USP3: variants seen among roughly 807,000 people sequenced by gnomAD.
USP3 encodes the protein ubiquitin specific peptidase 3.
Under a neutral mutation model 72.3 loss-of-function variants are expected in USP3, and 20 were observed. That is an observed-to-expected ratio of 0.28 (90% confidence interval 0.19 to 0.40). The LOEUF is 0.40. Among genes scored for constraint, USP3 ranks in the 10% least tolerant of loss-of-function variants. The pLI is 1.00. For missense variants in USP3, 479 were observed against 633.9 expected, an observed-to-expected ratio of 0.76 and a Z score of 2.62; for synonymous variants, 222 against 225.3, an observed-to-expected ratio of 0.99 and a Z score of 0.13.
chr15:63,589,225 T>A lies in USP3; in HGVS notation c.1397+214T>A. ...TAAAAGTGAAATGAAGAATGGTTCATTTGAACCCAGTATTTACGACCCAGT... is the reference window on the plus strand; with the variant it reads ...TAAAAGTGAAATGAAGAATGGTTCAATTGAACCCAGTATTTACGACCCAGT... On this transcript the variant is annotated intron_variant, in intron 14 of 14. Transcript: ENST00000380324. 3.5e-6 allele frequency: 2 copies of A among 578,694 alleles called. 1 individual carries two copies. The highest frequency in any genetic ancestry group is 4.4e-5 in the South Asian group (2 of 45,356). The allele number at this position is 578,694 out of a possible 1,614,324, so 35.8% of individuals were successfully genotyped here.
At position 63,570,272 on chromosome 15, in the gene USP3, T is replaced by A. The variant is rs191075592; in HGVS notation, c.762-161T>A. Among the ~76,000 whole-genome samples, 2 of 152,348 alleles carry A rather than the reference T, an allele frequency of 1.3e-5. No individual in the cohort carries two copies. The highest frequency in any genetic ancestry group is 3.9e-4 in the East Asian group (2 of 5,194). Reference sequence around the variant, plus strand: ...AGTAGAATTCATTCTTGAAGAGAAATTCTGTCACCTGTGGAGCTTTCGGGC... The same window carrying A: ...AGTAGAATTCATTCTTGAAGAGAAAATCTGTCACCTGTGGAGCTTTCGGGC... On this transcript the variant is annotated intron_variant, in intron 8 of 14. Coordinates refer to ENST00000380324, the MANE Select transcript of USP3 (RefSeq NM_006537.4). The surrounding 1 kb of genome is among the most constrained non-coding windows in gnomAD (Gnocchi z 4.4).
At chr15:63,578,358 A>T (rs2066899246) in intron 11 of USP3, among the ~76,000 whole-genome samples, 1 of 152,014 alleles carries the variant, frequency 6.6e-6, no homozygotes, top group Admixed American at 6.6e-5. Context: ...TAATCCCAGC[A>T]CTTTGGGAGG....
chr15:63,510,529 G>T (rs1418880814), intron 1 of USP3, among the ~76,000 whole-genome samples: 1 of 152,120 alleles, frequency 6.6e-6, no homozygotes. Context: ...AAGTGGAAAA[G>T]GTATGCTGTT....
intron 7 of USP3, among the ~76,000 whole-genome samples, chr15:63,560,941 C>T (rs138524004): frequency 2.6e-5 from 4 of 152,298 alleles, no homozygotes; most frequent in African/African-American, 9.6e-5. Flanking sequence ...GGTGATCAGA[C>T]ACTTTCCTGC....
At chr15:63,522,675 C>CA (rs145872189) in intron 1 of USP3, among the ~76,000 whole-genome samples, 18,811 of 152,178 alleles carry the variant, frequency 0.12, 1,579 homozygotes, top group South Asian at 0.19. Flanking sequence ...TTTGCTAAAA[C>CA]AAAGTTAGAA....
At chr15:63,510,059 A>G (rs749726929) in intron 1 of USP3, among the ~76,000 whole-genome samples, 1 of 152,218 alleles carries the variant, frequency 6.6e-6, no homozygotes, top group Non-Finnish European at 1.5e-5. Flanking sequence ...CTTGTACACC[A>G]TTAGCCTTAG....
intron 1 of USP3, chr15:63,515,478 A>T (rs762678134): frequency 6.6e-6 from 1 of 152,238 alleles, no homozygotes; most frequent in East Asian, 1.9e-4. Context: ...GCAGGACCAG[A>T]TGCCCCTCTC....
intron 1 of USP3, among the ~76,000 whole-genome samples, chr15:63,512,834 C>A (rs1425513058): frequency 1.3e-5 from 2 of 152,298 alleles, no homozygotes; most frequent in Non-Finnish European, 2.9e-5. Context: ...AAGGCAATTT[C>A]AGATTTTGAA....
chr15:63,527,104 C>A (rs1258331159), intron 1 of USP3, among the ~76,000 whole-genome samples: 1 of 152,068 alleles, frequency 6.6e-6, no homozygotes, highest in African/African-American at 2.4e-5. Context: ...CCTGTGTTGC[C>A]CGGGCTGGTC....
At chr15:63,583,814 T>C (rs1172612211) in intron 11 of USP3, among the ~76,000 whole-genome samples, 1 of 152,234 alleles carries the variant, frequency 6.6e-6, no homozygotes, top group African/African-American at 2.4e-5. Context: ...TACTTCCTTT[T>C]TGAGGCTTAA....
chr15:63,559,804 T>A, intron 6 of USP3, 53 bp from the exon 7 acceptor site: 1 of 1,486,986 alleles, frequency 6.7e-7, no homozygotes, highest in South Asian at 1.3e-5. Flanking sequence ...TCAACTTTCT[T>A]TACAGTCCTA....
chr15:63,526,214 A>G (rs1004339762), intron 1 of USP3, among the ~76,000 whole-genome samples: 1 of 152,206 alleles, frequency 6.6e-6, no homozygotes, highest in African/African-American at 2.4e-5. Context: ...TGTAGTACAT[A>G]CATAGACTCA....
At chr15:63,567,718 T>A (rs1432661173) in intron 8 of USP3, among the ~76,000 whole-genome samples, 1 of 151,606 alleles carries the variant, frequency 6.6e-6, no homozygotes, top group Non-Finnish European at 1.5e-5. Context: ...TGACCTCAGG[T>A]GATCCGTCTG....
In USP3 at chr15:63,529,054, G is replaced by A; in HGVS notation, c.92-3593G>A. 7.8e-7 allele frequency: 1 copy of A among 1,288,950 alleles called. No individual in the cohort carries two copies. The allele number at this position is 1,288,950 out of a possible 1,614,324, so 79.8% of individuals were successfully genotyped here. On this transcript the variant is annotated intron_variant, in intron 1 of 14. Coordinates refer to ENST00000380324, the MANE Select transcript of USP3 (RefSeq NM_006537.4). This position sits in a 1 kb window ranked among gnomAD's most constrained non-coding sequence, Gnocchi z 4.2. ...CTGGTGTGACTGTATTATGCCCTCA[G>A]AGAGTACTGTATGTTGCCCAGGCTG...
chr15:63,530,733 C>G (rs572729017), intron 1 of USP3: 1 of 319,856 alleles, frequency 3.1e-6, no homozygotes, highest in African/African-American at 2.3e-5. Context: ...AAGCTGTGTA[C>G]TAGTTTACTT....
intron 7 of USP3, among the ~76,000 whole-genome samples, chr15:63,561,127 A>G (rs761003817): frequency 5.1e-4 from 77 of 152,224 alleles, no homozygotes; most frequent in Non-Finnish European, 1.0e-3. Flanking sequence ...GTTGAGCAGC[A>G]TCTAGGATGA....
intron 1 of USP3, among the ~76,000 whole-genome samples, chr15:63,506,907 A>G (rs572882489): frequency 1.3e-5 from 2 of 152,174 alleles, no homozygotes; most frequent in Non-Finnish European, 2.9e-5. Flanking sequence ...CATTTTATGT[A>G]GGCCTCCCGT....
At chr15:63,521,686 C>T (rs966742189) in intron 1 of USP3, among the ~76,000 whole-genome samples, 31 of 152,180 alleles carry the variant, frequency 2.0e-4, no homozygotes, top group African/African-American at 7.0e-4. Context: ...TCTGTCAGCT[C>T]GGCTCAGACC....
At chr15:63,532,354 A>G (rs2066089155) in intron 1 of USP3, among the ~76,000 whole-genome samples, 1 of 152,244 alleles carries the variant, frequency 6.6e-6, no homozygotes, top group Non-Finnish European at 1.5e-5. Flanking sequence ...CAGAGACTGT[A>G]GCAAAAGGGA....
Sources: gnomAD v4.1 joint callset for allele counts (sites outside exome capture counted in the v4.1 genomes callset) on GRCh38, gnomAD v4.1.1 for gene constraint, Gnocchi (gnomAD v3.1) non-coding constraint, MANE v1.5 for transcripts, NCBI Gene and HGNC (gene_info 2026-07-23, HGNC 2026-07-21) for gene names.